HMGN5: variants seen among roughly 807,000 people sequenced by gnomAD.
The protein encoded by HMGN5 is high mobility group nucleosome binding domain 5.
A neutral mutation model predicts 9.5 loss-of-function variants in HMGN5; 4 were observed. The ratio of observed to expected loss-of-function variants is 0.42; its 90% CI spans 0.21 to 0.96. HMGN5 has a LOEUF of 0.96. Ranked by LOEUF, HMGN5 falls within the 40% of genes least tolerant of loss-of-function variation. The pLI, the probability that HMGN5 is intolerant of heterozygous loss-of-function variation, is 0.30. For missense variants in HMGN5, 192 were observed against 187.5 expected (o/e 1.02, Z -0.14); for synonymous variants, 55 against 57.1 (o/e 0.96, Z 0.16).
chrX:81,116,815 TTAAAAGACCTTATGGTGA>T (rs1477858186), intron 5 of HMGN5, among the ~76,000 whole-genome samples: 1 of 112,026 alleles, frequency 8.9e-6, no homozygotes. Flanking sequence ...AGATATATTT[TTAAAAGACCTTATGGTGA>T]TGTAAGTGTT....
chrX:81,183,891 C>T (rs1181695442), intron 1 of HMGN5, among the ~76,000 whole-genome samples: 1 of 112,089 alleles, frequency 8.9e-6, no homozygotes, highest in Non-Finnish European at 1.9e-5. Context: ...GCTGTTGTAT[C>T]TTGGAAGTAA....
intron 1 of HMGN5, among the ~76,000 whole-genome samples, chrX:81,169,896 A>G (rs941392105): frequency 4.4e-4 from 48 of 109,305 alleles, no homozygotes; most frequent in East Asian, 4.4e-3. Flanking sequence ...TCTACAAAAA[A>G]TACAAAAATT....
intron 1 of HMGN5, among the ~76,000 whole-genome samples, chrX:81,162,780 G>T (rs1042592192): frequency 1.8e-5 from 2 of 111,474 alleles, no homozygotes; most frequent in Non-Finnish European, 3.8e-5. Flanking sequence ...AGACCTTGTA[G>T]TTGAGCTGCT....
At chrX:81,132,067 A>G (rs1344950315) in intron 1 of HMGN5, among the ~76,000 whole-genome samples, 1 of 111,281 alleles carries the variant, frequency 9.0e-6, no homozygotes, top group African/African-American at 3.3e-5. Flanking sequence ...TTATACACCA[A>G]CAACAGTCAA....
chrX:81,193,955 G>C (rs1415479738), intron 1 of HMGN5, among the ~76,000 whole-genome samples: 1 of 111,590 alleles, frequency 9.0e-6, no homozygotes, highest in Non-Finnish European at 1.9e-5. Context: ...ATATAGTGTG[G>C]TAATGGCACA....
At chrX:81,193,376 A>T (rs779456423) in intron 1 of HMGN5, among the ~76,000 whole-genome samples, 5 of 112,268 alleles carry the variant, frequency 4.5e-5, no homozygotes, top group Non-Finnish European at 9.4e-5. Context: ...AGAAACACAA[A>T]TAAAGAAACC....
intron 1 of HMGN5, among the ~76,000 whole-genome samples, chrX:81,183,275 GC>G (rs2075467910): frequency 8.9e-6 from 1 of 111,992 alleles, no homozygotes; most frequent in Non-Finnish European, 1.9e-5. Context: ...AGTGCTGATA[GC>G]CAAGACAATG....
chrX:81,188,172 C>T (rs976812971), intron 1 of HMGN5, among the ~76,000 whole-genome samples: 1 of 109,213 alleles, frequency 9.2e-6, no homozygotes, highest in Non-Finnish European at 1.9e-5. Flanking sequence ...AATCATGGCT[C>T]ACTGCAATCT....
chrX:81,121,511 C>A (rs1421274479), intron 2 of HMGN5, 24 bp downstream of exon 2: 1 of 1,189,698 alleles, frequency 8.4e-7, no homozygotes, highest in Non-Finnish European at 1.1e-6. Context: ...GCTCATTCCC[C>A]GTCTGTCTTT....
At chrX:81,200,737 T>C (rs2075523959) in intron 1 of HMGN5, among the ~76,000 whole-genome samples, 1 of 110,978 alleles carries the variant, frequency 9.0e-6, no homozygotes, top group African/African-American at 3.3e-5. Flanking sequence ...GTGATAGCAT[T>C]AGGTGAAATA....
At chrX:81,145,044 G>A (rs557346389) in intron 1 of HMGN5, among the ~76,000 whole-genome samples, 3 of 111,769 alleles carry the variant, frequency 2.7e-5, no homozygotes, top group Admixed American at 1.9e-4. Context: ...TGAAAGTGAC[G>A]GGGAGAATGG....
At chrX:81,149,638 C>A (rs760846132) in intron 1 of HMGN5, among the ~76,000 whole-genome samples, 41 of 111,553 alleles carry the variant, frequency 3.7e-4, no homozygotes, top group African/African-American at 1.3e-3. Context: ...AATACAAGAC[C>A]CATTGATCTG....
intron 1 of HMGN5, among the ~76,000 whole-genome samples, chrX:81,151,063 C>T (rs2075360625): frequency 8.9e-6 from 1 of 111,847 alleles, no homozygotes; most frequent in Non-Finnish European, 1.9e-5. Flanking sequence ...CCTATTCAAA[C>T]TATTCTGATA....
intron 1 of HMGN5, among the ~76,000 whole-genome samples, chrX:81,182,997 T>C (rs1219682485): frequency 1.8e-5 from 2 of 111,655 alleles, no homozygotes; most frequent in African/African-American, 6.5e-5. Flanking sequence ...GATAGTGATA[T>C]GGACAGTGAA....
intron 1 of HMGN5, among the ~76,000 whole-genome samples, chrX:81,158,288 C>A (rs1489959271): frequency 1.8e-5 from 2 of 112,068 alleles, no homozygotes; most frequent in African/African-American, 3.2e-5. Flanking sequence ...TTCCCACCAA[C>A]AATGTAAAAG....
At chrX:81,139,417 C>A (rs1409508424) in intron 1 of HMGN5, among the ~76,000 whole-genome samples, 1 of 111,101 alleles carries the variant, frequency 9.0e-6, no homozygotes. Flanking sequence ...AACTAACTCA[C>A]AAAGAGGCAG....
At chrX:81,146,310 G>A (rs5959823) in intron 1 of HMGN5, among the ~76,000 whole-genome samples, 2,040 of 111,891 alleles carry the variant, frequency 0.018, 41 homozygotes, top group African/African-American at 0.062. Flanking sequence ...TCAGACCACA[G>A]TGAAATCAAA....
At chrX:81,198,307 CT>C (rs1280200091) in intron 1 of HMGN5, among the ~76,000 whole-genome samples, 3 of 110,019 alleles carry the variant, frequency 2.7e-5, no homozygotes, top group Non-Finnish European at 3.8e-5. Context: ...AAATTGCTAA[CT>C]TTTTTTTTAG....
intron 1 of HMGN5, among the ~76,000 whole-genome samples, chrX:81,149,686 C>T (rs1309227014): frequency 8.9e-6 from 1 of 111,831 alleles, no homozygotes; most frequent in Non-Finnish European, 1.9e-5. Context: ...TGAAGACACA[C>T]ATAGCGTGAA....
Sources: allele counts gnomAD v4.1 joint callset (sites outside exome capture counted in the v4.1 genomes callset), GRCh38; gene constraint gnomAD v4.1.1; transcripts MANE v1.5; gene names NCBI Gene and HGNC (gene_info 2026-07-23, HGNC 2026-07-21).